Variants in CBLB observed in about 807,000 individuals in gnomAD.
CBLB encodes Cbl proto-oncogene B.
CBLB carries 31 observed loss-of-function variants against 104.9 expected under a neutral mutation model. The observed-to-expected ratio is 0.30, with a 90% CI of 0.22 to 0.40. The LOEUF is 0.40. CBLB is among the 10% of genes least tolerant of loss of function. CBLB has a pLI of 1.00. For missense variants in CBLB, 1,062 were observed against 1,214.6 expected (o/e 0.87, Z 1.87); for synonymous variants, 440 against 422.6 (o/e 1.04, Z -0.51).
chr3:105,693,644 A>G, intron 12 of CBLB, 56 bp from the exon 13 acceptor site: 1 of 1,115,172 alleles, frequency 9.0e-7, no homozygotes, highest in Non-Finnish European at 1.4e-6. Context: ...AGGACCTTAA[A>G]GCCATAGCTG....
In CBLB at chr3:105,658,671, C is replaced by G. The variant is rs1042852; in HGVS notation, c.*299G>C. 39 of 439,022 alleles carry G rather than the reference C, an allele frequency of 8.9e-5. No homozygotes were observed. Among genetic ancestry groups the G allele is most frequent in the Middle Eastern group, 1.2e-3 (2 of 1,638 alleles). 27.2% of individuals were successfully genotyped at this position (439,022 alleles called of 1,614,324 possible). On this transcript the variant is annotated 3_prime_UTR_variant, in exon 19 of 19. Transcript: ENST00000394030. ...AAGAACAAACTGCAACTTTGCCAAA[C>G]TGTAAACAAGGTAAAGCATTTCACA...
intron 10 of CBLB, among the ~76,000 whole-genome samples, chr3:105,717,046 G>A (rs1035939180): frequency 1.3e-5 from 2 of 152,054 alleles, no homozygotes; most frequent in African/African-American, 2.4e-5. Flanking sequence ...ATTTCCTTTC[G>A]ATTGTTAGTG....
intron 3 of CBLB, among the ~76,000 whole-genome samples, chr3:105,843,699 C>G (rs2055560): frequency 1 from 152,317 of 152,322 alleles, 76,156 homozygotes; most frequent in Non-Finnish European, 1. Flanking sequence ...TTTATAAAAA[C>G]TAATGCATAA....
chr3:105,802,781 C>T (rs1383178294), intron 3 of CBLB, among the ~76,000 whole-genome samples: 1 of 151,970 alleles, frequency 6.6e-6, no homozygotes, highest in African/African-American at 2.4e-5. Context: ...ATTTGAACTC[C>T]ATAAAACATT....
chr3:105,808,157 T>C (rs528480669), intron 3 of CBLB, among the ~76,000 whole-genome samples: 103 of 152,322 alleles, frequency 6.8e-4, no homozygotes, highest in Non-Finnish European at 1.3e-3. Flanking sequence ...AAAAGTATCT[T>C]CCATATAAAT....
chr3:105,791,118 T>C (rs1348182251), intron 3 of CBLB, among the ~76,000 whole-genome samples: 2 of 152,250 alleles, frequency 1.3e-5, no homozygotes, highest in Non-Finnish European at 2.9e-5. Flanking sequence ...TTCTCTGTTG[T>C]AAGATAACAA....
intron 4 of CBLB, among the ~76,000 whole-genome samples, chr3:105,758,944 G>A (rs1326312227): frequency 6.6e-6 from 1 of 152,230 alleles, no homozygotes; most frequent in Non-Finnish European, 1.5e-5. Flanking sequence ...CCCACAATGT[G>A]GGGCGTGAAG....
chr3:105,786,558 T>G (rs557285794), intron 3 of CBLB, among the ~76,000 whole-genome samples: 2 of 152,246 alleles, frequency 1.3e-5, no homozygotes, highest in South Asian at 4.1e-4. Flanking sequence ...CATAGTACAT[T>G]CACAAATGGC....
chr3:105,722,598 G>C (rs965772552), intron 9 of CBLB, among the ~76,000 whole-genome samples: 1 of 147,008 alleles, frequency 6.8e-6, no homozygotes, highest in African/African-American at 2.5e-5. Context: ...CCACCCAATC[G>C]AAATCATGAA....
At chr3:105,681,657 G>A in intron 15 of CBLB, 47 bp from the exon 16 acceptor site, 1 of 1,612,328 alleles carries the variant, frequency 6.2e-7, no homozygotes, top group Non-Finnish European at 8.5e-7. Context: ...ACAATGGCAT[G>A]AAATTTTGCC....
intron 3 of CBLB, chr3:105,824,283 C>G (rs1156859202): frequency 1.3e-5 from 2 of 152,296 alleles, no homozygotes; most frequent in Non-Finnish European, 1.5e-5. Context: ...CTTTACAGTA[C>G]AATTGTAGGC....
chr3:105,849,164 G>T (rs530971376), intron 3 of CBLB, among the ~76,000 whole-genome samples: 1 of 152,274 alleles, frequency 6.6e-6, no homozygotes, highest in East Asian at 1.9e-4. Context: ...AGAAGTGAAT[G>T]TGTCCAAATA....
chr3:105,751,263 TA>T (rs1196492367), intron 5 of CBLB, among the ~76,000 whole-genome samples, 198 bp downstream of exon 5: 3 of 152,190 alleles, frequency 2.0e-5, no homozygotes, highest in African/African-American at 2.4e-5. Flanking sequence ...ACTCCAAACT[TA>T]AGCCAAATGG....
At chr3:105,853,200 C>CT (rs1167162576) in intron 3 of CBLB, among the ~76,000 whole-genome samples, 1 of 152,142 alleles carries the variant, frequency 6.6e-6, no homozygotes, top group African/African-American at 2.4e-5. Flanking sequence ...CCATCTAGCT[C>CT]TGTGTAAGTA....
intron 1 of CBLB, among the ~76,000 whole-genome samples, 173 bp from the exon 2 acceptor site, chr3:105,867,764 T>C (rs2092510929): frequency 6.6e-6 from 1 of 152,128 alleles, no homozygotes; most frequent in African/African-American, 2.4e-5. Flanking sequence ...TCTCAATCTT[T>C]ACACACAGTA....
At chr3:105,821,260 ATATCTATCTATCTATC>A (rs10660729) in intron 3 of CBLB, among the ~76,000 whole-genome samples, 1 of 149,402 alleles carries the variant, frequency 6.7e-6, no homozygotes, top group Admixed American at 6.7e-5. Flanking sequence ...ATCTATATCT[ATATCTATCTATCTATC>A]TATCTATCTA....
chr3:105,667,747 C>G (rs939772177), intron 18 of CBLB, among the ~76,000 whole-genome samples: 2 of 152,166 alleles, frequency 1.3e-5, no homozygotes, highest in African/African-American at 4.8e-5. Flanking sequence ...TAGAAATATA[C>G]TTTCCATAGA....
In CBLB at chr3:105,854,822, G is replaced by A. The variant is rs897242356; in HGVS notation, c.169-1158C>T. On this transcript the variant is annotated intron_variant, in intron 2 of 18. Coordinates refer to ENST00000394030, the MANE Select transcript of CBLB (RefSeq NM_170662.5). The stretch of plus-strand genomic sequence containing the variant: ...TAATTTTTATATTTTTAGTAGAGAC[G>A]GGATTTCACCATCTTTGTCAGGCTG... Among the ~76,000 whole-genome samples the A allele has an allele frequency of 3.9e-5, 6 of 152,070 alleles. No homozygotes were observed. In the South Asian group the frequency reaches 1.0e-3, roughly 26 times the overall value.
At chr3:105,709,947 C>G (rs1348529024) in intron 10 of CBLB, among the ~76,000 whole-genome samples, 1 of 151,838 alleles carries the variant, frequency 6.6e-6, no homozygotes, top group Non-Finnish European at 1.5e-5. Flanking sequence ...TGGGCCATAC[C>G]AATGTTTAAA....
Sources: allele counts gnomAD v4.1 joint callset (sites outside exome capture counted in the v4.1 genomes callset), GRCh38; gene constraint gnomAD v4.1.1; transcripts MANE v1.5; gene names NCBI Gene and HGNC (gene_info 2026-07-23, HGNC 2026-07-21).